The following GSS variants were observed in gnomAD, a reference collection of about 807,000 sequenced individuals.
GSS encodes the protein glutathione synthetase.
In GSS, 34 loss-of-function variants were observed where a neutral mutation model predicts 60.4. That is an observed-to-expected ratio of 0.56 (90% CI 0.43 to 0.75). The LOEUF is 0.75. Among genes scored for constraint, GSS ranks in the 30% least tolerant of loss-of-function variants. GSS has a pLI of 0.00. For missense variants in GSS, 499 were observed against 595.1 expected, an observed-to-expected ratio of 0.84 and a Z score of 1.68; for synonymous variants, 224 against 239.0, an observed-to-expected ratio of 0.94 and a Z score of 0.58.
At chr20:34,948,782 CAA>C (rs11411767) in intron 2 of GSS, among the ~76,000 whole-genome samples, 4 of 136,102 alleles carry the variant, frequency 2.9e-5, no homozygotes, top group African/African-American at 5.5e-5. Context: ...GACTCTGTCT[CAA>C]AAAAAAAAAA....
At chr20:34,951,042 A>C (rs1418259021) in intron 2 of GSS, among the ~76,000 whole-genome samples, 1 of 152,156 alleles carries the variant, frequency 6.6e-6, no homozygotes, top group Non-Finnish European at 1.5e-5. Flanking sequence ...GCCCCAACAG[A>C]CATATGCATG....
At position 34,930,392 on chromosome 20, in the gene GSS, C is replaced by T. The variant is rs575973615; in HGVS notation, c.1112-802G>A. On this transcript the variant is annotated intron_variant, in intron 11 of 12. Transcript: ENST00000651619. The stretch of plus-strand genomic sequence containing the variant: ...ACTTATTACTTCTGCCTGAACCTGC[C>T]CCTCCTGGACCTTCCTACTCCCAAT... 2.0e-5 allele frequency among the ~76,000 whole-genome samples: 3 copies of T among 152,286 alleles called. No individual in the cohort carries two copies. The East Asian group carries it at 5.8e-4, about 29-fold the overall frequency.
chr20:34,950,013 T>TCTCTCTCACACACACACACACA (rs144768623), intron 2 of GSS: 96 of 124,964 alleles, frequency 7.7e-4, no homozygotes, highest in African/African-American at 2.9e-3. Context: ...TCTCTCTCTC[T>TCTCTCTCACACACACACACACA]CACACACACA....
chr20:34,936,194 G>A (rs1236262704), intron 8 of GSS, among the ~76,000 whole-genome samples: 1 of 152,164 alleles, frequency 6.6e-6, no homozygotes, highest in Non-Finnish European at 1.5e-5. Context: ...ACTTTGTTTA[G>A]TTATGATAAA....
intron 3 of GSS, among the ~76,000 whole-genome samples, 196 bp from the exon 4 acceptor site, chr20:34,943,202 C>T (rs982916479): frequency 2.6e-5 from 4 of 152,164 alleles, no homozygotes; most frequent in Non-Finnish European, 5.9e-5. Flanking sequence ...CTACCACTCA[C>T]TAGTAGGCAA....
Position 34,929,694 on chromosome 20 carries a change from G to A in GSS, c.1112-104C>T, listed in dbSNP as rs1437520466. ...GGCAAGTCAGCAGCCTCAGTTCCTG[G>A]CACCCGCTCAGTGAAGCCAGGGCAT... On this transcript the variant is annotated intron_variant, in intron 11 of 12. Coordinates refer to ENST00000651619, the MANE Select transcript of GSS (RefSeq NM_000178.4). The A allele has an allele frequency of 1.8e-5, 18 of 979,510 alleles. No individual in the cohort carries two copies. The East Asian group carries it at 4.0e-4, about 22-fold the overall frequency. The allele number at this position is 979,510 out of a possible 1,614,324, so 60.7% of individuals were successfully genotyped here.
chr20:34,947,183 G>C (rs1181273936), intron 2 of GSS, among the ~76,000 whole-genome samples: 1 of 152,088 alleles, frequency 6.6e-6, no homozygotes, highest in African/African-American at 2.4e-5. Flanking sequence ...CATCTCCTGG[G>C]TTCAAGCAAT....
chr20:34,947,545 T>C (rs981883149), intron 2 of GSS, among the ~76,000 whole-genome samples: 3 of 152,180 alleles, frequency 2.0e-5, no homozygotes, highest in Non-Finnish European at 4.4e-5. Flanking sequence ...CAGAGGCAAA[T>C]GACAGACTAG....
At chr20:34,931,092 C>T (rs2081397349) in intron 11 of GSS, among the ~76,000 whole-genome samples, 1 of 152,242 alleles carries the variant, frequency 6.6e-6, no homozygotes, top group East Asian at 1.9e-4. Flanking sequence ...TACTTCCCAA[C>T]AATCTACCCA....
rs771590242 is a variant in GSS, at chr20:34,928,646, C to T, written c.*182G>A. The T allele has an allele frequency of 1.0e-4, 72 of 687,312 alleles. No individual in the cohort carries two copies. The highest frequency in any genetic ancestry group is 1.8e-4 in the South Asian group (11 of 60,750). The allele number at this position is 687,312 out of a possible 1,614,324, so 42.6% of individuals were successfully genotyped here. On this transcript the variant is annotated 3_prime_UTR_variant, in exon 13 of 13. Coordinates refer to ENST00000651619, the MANE Select transcript of GSS (RefSeq NM_000178.4). The stretch of plus-strand genomic sequence containing the variant: ...TACCCACATCTCAAGGATTTGGGGG[C>T]GTCTAGATCTCATCTAAGGGAGACA...
chr20:34,931,779 C>T (rs2081403133), intron 10 of GSS, among the ~76,000 whole-genome samples, 160 bp downstream of exon 10: 1 of 152,196 alleles, frequency 6.6e-6, no homozygotes, highest in African/African-American at 2.4e-5. Context: ...ATGAGGCTGC[C>T]CTTCTGCTCA....
At chr20:34,942,895 C>G in intron 4 of GSS, 36 bp downstream of exon 4, 2 of 1,393,498 alleles carry the variant, frequency 1.4e-6, no homozygotes, top group Non-Finnish European at 2.0e-6. Flanking sequence ...ATGGGAGGGA[C>G]AGGTTACAGA....
chr20:34,954,794 C>G (rs1430898319), intron 1 of GSS: 2 of 153,756 alleles, frequency 1.3e-5, no homozygotes, highest in Admixed American at 1.3e-4. Flanking sequence ...TCCCACAAAT[C>G]TGCTTCTTCT....
upstream of GSS, chr20:34,955,863 C>A (rs956657626): frequency 6.6e-6 from 1 of 152,364 alleles, no homozygotes; most frequent in Non-Finnish European, 1.5e-5. Flanking sequence ...GGGGCAGAGA[C>A]CCATACCTTT....
intron 6 of GSS, among the ~76,000 whole-genome samples, chr20:34,941,279 C>A (rs540479009): frequency 6.6e-6 from 1 of 151,476 alleles, no homozygotes; most frequent in Admixed American, 6.6e-5. Flanking sequence ...TGCTTGAACC[C>A]GGGAGGTGGA....
intron 6 of GSS, among the ~76,000 whole-genome samples, chr20:34,940,658 T>A (rs528776229): frequency 2.0e-5 from 3 of 152,232 alleles, no homozygotes; most frequent in African/African-American, 7.2e-5. Flanking sequence ...AGATCCTGTA[T>A]GTACAGAGCT....
intron 2 of GSS, among the ~76,000 whole-genome samples, chr20:34,948,106 G>A (rs1454181182): frequency 6.6e-6 from 1 of 152,060 alleles, no homozygotes; most frequent in Non-Finnish European, 1.5e-5. Flanking sequence ...CTGCAGGTGT[G>A]TACCACTGCC....
intron 10 of GSS, 199 bp from the exon 11 acceptor site, chr20:34,931,616 T>C: frequency 3.0e-6 from 2 of 659,788 alleles, no homozygotes; most frequent in South Asian, 1.7e-5. Context: ...AGAACAGGCC[T>C]TTCTTTAGCA....
intron 3 of GSS, 43 bp from the exon 4 acceptor site, chr20:34,943,049 C>A (rs6120765): frequency 2.2e-6 from 3 of 1,392,050 alleles, no homozygotes; most frequent in Admixed American, 1.8e-5. Flanking sequence ...TTAATTGGAC[C>A]TAAAATTTCA....
Sources: allele counts gnomAD v4.1 joint callset (sites outside exome capture counted in the v4.1 genomes callset), GRCh38; gene constraint gnomAD v4.1.1; transcripts MANE v1.5; gene names NCBI Gene and HGNC (gene_info 2026-07-23, HGNC 2026-07-21).